The following PCDHGA1 variants were observed in gnomAD, a reference collection of about 807,000 sequenced individuals.
The protein encoded by PCDHGA1 is protocadherin gamma-A1.
A neutral mutation model predicts 58.0 loss-of-function variants in PCDHGA1; 32 were observed. That is an observed-to-expected ratio of 0.55 (90% confidence interval 0.42 to 0.74). PCDHGA1 has a LOEUF of 0.74. Among genes scored for constraint, PCDHGA1 ranks in the 30% least tolerant of loss-of-function variants. The pLI is 0.00. For synonymous variants in PCDHGA1, 498 were observed against 501.1 expected (o/e 0.99, Z 0.08); for missense variants, 1,205 against 1,182.3 (o/e 1.02, Z -0.28).
At chr5:141,469,126 A>T (rs2099191838) in intron 1 of PCDHGA1, among the ~76,000 whole-genome samples, 1 of 151,470 alleles carries the variant, frequency 6.6e-6, no homozygotes, top group African/African-American at 2.4e-5. Context: ...AAATTTAAAA[A>T]TTAGCCAGAA....
chr5:141,431,397 C>A lies in PCDHGA1; in HGVS notation c.2422-63410C>A. ...AAGGCTGCTCACCACCTGGTCCTTA[C>A]GGCCTCCGACGGGGGCGACCCGGTG... On this transcript the variant is annotated intron_variant, in intron 1 of 3. Coordinates refer to ENST00000517417, the MANE Select transcript of PCDHGA1 (RefSeq NM_018912.3). The surrounding 1 kb of genome is among the most constrained non-coding windows in gnomAD (Gnocchi z 4.8). 3.1e-6 allele frequency: 5 copies of A among 1,613,782 alleles called. No individual in the cohort carries two copies. Among genetic ancestry groups the A allele is most frequent in the Non-Finnish European group, 4.2e-6 (5 of 1,180,034 alleles).
At chr5:141,371,227 T>C (rs1767587873) in intron 1 of PCDHGA1, 1 of 1,613,932 alleles carries the variant, frequency 6.2e-7, no homozygotes, top group African/African-American at 1.3e-5. Context: ...GCCGAAATCA[T>C]CTATGCCTTC....
chr5:141,421,670 T>A, intron 1 of PCDHGA1: 3 of 1,613,892 alleles, frequency 1.9e-6, no homozygotes, highest in Non-Finnish European at 2.5e-6. Flanking sequence ...GAGCACGCAA[T>A]TCCTGGGGCG....
intron 1 of PCDHGA1, chr5:141,376,339 C>G: frequency 6.2e-7 from 1 of 1,614,192 alleles, no homozygotes; most frequent in Non-Finnish European, 8.5e-7. Flanking sequence ...TCCTGCAGAC[C>G]TATTCCCACG....
At chr5:141,504,302 C>T (rs969760258) in intron 2 of PCDHGA1, among the ~76,000 whole-genome samples, 9 of 152,004 alleles carry the variant, frequency 5.9e-5, no homozygotes, top group African/African-American at 1.5e-4. Context: ...TTTCAACACT[C>T]GGAGTTTCTA....
intron 1 of PCDHGA1, among the ~76,000 whole-genome samples, chr5:141,358,328 A>G (rs1257521000): frequency 1.3e-5 from 2 of 152,318 alleles, no homozygotes; most frequent in East Asian, 1.9e-4. Flanking sequence ...TCATGAAGCT[A>G]TTGTTGGATC....
rs2099749632 is a variant in PCDHGA1, at chr5:141,493,698, C to T, written c.2422-1109C>T. The stretch of plus-strand genomic sequence containing the variant: ...AGAATGGTGCTGGTGACTCCCGATA[C>T]ACCTGGAATGCTAGGTTTCTGGGTT... On this transcript the variant is annotated intron_variant, in intron 1 of 3. Transcript: ENST00000517417. This position sits in a 1 kb window ranked among gnomAD's most constrained non-coding sequence, Gnocchi z 4.3. Among the ~76,000 whole-genome samples the T allele has an allele frequency of 6.6e-6, 1 of 152,208 alleles. No individual in the cohort carries two copies. Among genetic ancestry groups the T allele is most frequent in the Non-Finnish European group, 1.5e-5 (1 of 68,034 alleles).
rs1213653891 is a variant in PCDHGA1 at position 141,419,687 on chromosome 5, C to T, written c.2422-75120C>T. 1.9e-6 allele frequency: 3 copies of T among 1,612,692 alleles called. No individual in the cohort carries two copies. In the African/African-American group the frequency reaches 4.0e-5, roughly 22 times the overall value. On this transcript the variant is annotated intron_variant, in intron 1 of 3. Transcript: ENST00000517417. ...TGCCTGGCTGTCCTACCACGTGGTG[C>T]AGGCCAGTGAGCCCGGGCTCTTCAG...
rs776632782 is a variant in PCDHGA1, at chr5:141,415,681, A to G, written c.2422-79126A>G. 6.3e-5 allele frequency: 95 copies of G among 1,518,728 alleles called. 2 individuals are homozygous for G. In the Middle Eastern group the frequency reaches 2.1e-3, roughly 34 times the overall value. 94.1% of individuals were successfully genotyped at this position (1,518,728 alleles called of 1,614,324 possible). A position where few individuals can be genotyped will look rare whatever the true frequency, so the allele number is the denominator to read the frequency against. Reference sequence around the variant, plus strand: ...TGGTTTTTACTTTGAAGTTTGCGGCATGATGGTGGAAAGTGTAAATGCTAA... The same window carrying G: ...TGGTTTTTACTTTGAAGTTTGCGGCGTGATGGTGGAAAGTGTAAATGCTAA... On this transcript the variant is annotated intron_variant, in intron 1 of 3. Transcript: ENST00000517417.
At position 141,485,336 on chromosome 5, in the gene PCDHGA1, G is replaced by A. The variant is rs755039880; in HGVS notation, c.2422-9471G>A. Reference sequence around the variant, plus strand: ...GAATGTCGCTCAAGATTTCCTGCTGGATACGGACAGTCTGTCAGCTCGCAG... The same window carrying A: ...GAATGTCGCTCAAGATTTCCTGCTGAATACGGACAGTCTGTCAGCTCGCAG... On this transcript the variant is annotated intron_variant, in intron 1 of 3. Transcript: ENST00000517417. The surrounding 1 kb of genome is among the most constrained non-coding windows in gnomAD (Gnocchi z 5.7). 3 of 1,614,176 alleles carry A rather than the reference G, an allele frequency of 1.9e-6. No homozygotes were observed. In the South Asian group the frequency reaches 3.3e-5, roughly 18 times the overall value.
At chr5:141,415,754 T>TTTG (rs2095935149) in intron 1 of PCDHGA1, 3 of 1,385,710 alleles carry the variant, frequency 2.2e-6, no homozygotes, top group African/African-American at 1.5e-5. Context: ...TTTTTTTTTT[T>TTTG]TTTTTTTTTT....
At chr5:141,415,024 G>T in intron 1 of PCDHGA1, 1 of 1,613,568 alleles carries the variant, frequency 6.2e-7, no homozygotes, top group Non-Finnish European at 8.5e-7. Flanking sequence ...CAAGGCCAGC[G>T]AGCCGGGACT....
Position 141,418,242 on chromosome 5 carries a change from A to T in PCDHGA1, c.2422-76565A>T, listed in dbSNP as rs779996033. ...ATTGTGGTGATTGAGGATGTTAATG[A>T]CCACGCCCCTCAATTCCGGAAAGAT... On this transcript the variant is annotated intron_variant, in intron 1 of 3. Transcript: ENST00000517417. The T allele has an allele frequency of 3.7e-6, 6 of 1,613,896 alleles. No individual in the cohort carries two copies. The East Asian group carries it at 1.3e-4, about 36-fold the overall frequency.
At chr5:141,387,857 G>A (rs375524405) in intron 1 of PCDHGA1, 124 of 1,594,010 alleles carry the variant, frequency 7.8e-5, no homozygotes, top group Admixed American at 2.1e-4. Context: ...TCTCCAGGCT[G>A]GTGAGCAAGC....
At chr5:141,362,063 T>C (rs1762309054) in intron 1 of PCDHGA1, 1 of 1,612,272 alleles carries the variant, frequency 6.2e-7, no homozygotes, top group Non-Finnish European at 8.5e-7. Context: ...CAGCGCCTGC[T>C]GGTCGCTGTG....
At chr5:141,504,065 G>C (rs1291060280) in intron 2 of PCDHGA1, among the ~76,000 whole-genome samples, 2 of 152,060 alleles carry the variant, frequency 1.3e-5, no homozygotes, top group African/African-American at 2.4e-5. Context: ...AAACTTCTCT[G>C]AGCCAGATGG....
chr5:141,465,043 T>C (rs1404714692), intron 1 of PCDHGA1, among the ~76,000 whole-genome samples: 2 of 152,030 alleles, frequency 1.3e-5, no homozygotes, highest in Non-Finnish European at 2.9e-5. Context: ...CAAATGACCC[T>C]ATATATTTTT....
rs747268184 is a variant in PCDHGA1, at chr5:141,489,769, C to A, written c.2422-5038C>A. On this transcript the variant is annotated intron_variant, in intron 1 of 3. Coordinates refer to ENST00000517417, the MANE Select transcript of PCDHGA1 (RefSeq NM_018912.3). This position sits in a 1 kb window ranked among gnomAD's most constrained non-coding sequence, Gnocchi z 4.5. ...CTTTTACACTCTAAGCCCCAACAGC[C>A]ACTTCTCTCTGAATGTGAAGACCCT... The A allele has an allele frequency of 6.2e-7, 1 of 1,614,156 alleles. No individual in the cohort carries two copies. The highest frequency in any genetic ancestry group is 1.1e-5 in the South Asian group (1 of 91,080).
chr5:141,333,233 T>A, intron 1 of PCDHGA1, 128 bp downstream of exon 1: 1 of 1,366,364 alleles, frequency 7.3e-7, no homozygotes, highest in Non-Finnish European at 1.0e-6. Flanking sequence ...TTATTACAAG[T>A]CCTGCAAAAT....
Sources: gnomAD v4.1 joint callset for allele counts (sites outside exome capture counted in the v4.1 genomes callset) on GRCh38, gnomAD v4.1.1 for gene constraint, Gnocchi (gnomAD v3.1) non-coding constraint, MANE v1.5 for transcripts, NCBI Gene and HGNC (gene_info 2026-07-23, HGNC 2026-07-21) for gene names.